The following ZNF248 variants were observed in gnomAD, a reference collection of about 807,000 sequenced individuals.
The protein encoded by ZNF248 is zinc finger protein 248.
In ZNF248, 20 loss-of-function variants were observed where a neutral mutation model predicts 44.3. The observed-to-expected ratio is 0.45, with a 90% CI of 0.32 to 0.66. ZNF248 has a LOEUF of 0.66. Among genes scored for constraint, ZNF248 ranks in the 30% least tolerant of loss-of-function variants. The pLI is 0.04. For missense variants in ZNF248, 654 were observed against 677.0 expected (o/e 0.97, Z 0.38); for synonymous variants, 224 against 229.0 (o/e 0.98, Z 0.20).
Position 37,798,639 on chromosome 10 carries a change from TA to T in ZNF248, c.331-22065del, listed in dbSNP as rs1047625360. On this transcript the variant is annotated intron_variant, in intron 6 of 6. Transcript: ENST00000615949. ...GAATACAAACATAACAAGAAAGGGG[TA>T]AAAATATATATTATGTGTGGACACA... Among the ~76,000 whole-genome samples the T allele has an allele frequency of 4.0e-5, 6 of 151,864 alleles. 1 individual carries two copies. Among genetic ancestry groups the T allele is most frequent in the Non-Finnish European group, 4.4e-5 (3 of 67,924 alleles).
the ZNF248 span, among the ~76,000 whole-genome samples, chr10:37,759,368 T>C: frequency 1.3e-5 from 2 of 152,162 alleles, no homozygotes; most frequent in Non-Finnish European, 2.9e-5. Flanking sequence ...GCAGTTCACA[T>C]ATGAACAAGT....
chr10:37,808,308 C>T (rs1438994042), intron 6 of ZNF248, among the ~76,000 whole-genome samples: 6 of 145,966 alleles, frequency 4.1e-5, no homozygotes, highest in Admixed American at 1.4e-4. Flanking sequence ...GACAGAATCT[C>T]GCTCTGTCAC....
chr10:37,837,781 G>C, intron 4 of ZNF248, 69 bp from the exon 5 acceptor site: 3 of 1,451,456 alleles, frequency 2.1e-6, no homozygotes, highest in Non-Finnish European at 2.8e-6. Flanking sequence ...ATACATCATG[G>C]GGAAGAAAGG....
intron 6 of ZNF248, among the ~76,000 whole-genome samples, chr10:37,797,345 A>G (rs2049275818): frequency 6.6e-6 from 1 of 151,090 alleles, no homozygotes; most frequent in Non-Finnish European, 1.5e-5. Context: ...ATACTTTAAA[A>G]CCCCTTGAGG....
intron 6 of ZNF248, among the ~76,000 whole-genome samples, chr10:37,823,234 T>A (rs1237229887): frequency 6.9e-6 from 1 of 144,948 alleles, no homozygotes; most frequent in Non-Finnish European, 1.5e-5. Context: ...CTCGGGAGGC[T>A]GAGGCAGAAG....
At chr10:37,801,389 TATATTGAATTA>T (rs1404852417) in intron 6 of ZNF248, among the ~76,000 whole-genome samples, 2 of 151,732 alleles carry the variant, frequency 1.3e-5, no homozygotes, top group African/African-American at 4.8e-5. Flanking sequence ...AAAAAAACAT[TATATTGAATTA>T]AATAAGAACT....
intron 3 of ZNF248, among the ~76,000 whole-genome samples, chr10:37,844,091 AATCCAAAGAG>A (rs1351829198): frequency 6.6e-6 from 1 of 152,194 alleles, no homozygotes; most frequent in Non-Finnish European, 1.5e-5. Flanking sequence ...AAGTAAGAAA[AATCCAAAGAG>A]ATCCACTGAG....
chr10:37,829,853 T>A lies in ZNF248; in HGVS notation c.*1762A>T. 5 of 985,376 alleles carry A rather than the reference T, an allele frequency of 5.1e-6. No individual in the cohort carries two copies. Among genetic ancestry groups the A allele is most frequent in the Non-Finnish European group, 6.0e-6 (5 of 829,910 alleles). The allele number at this position is 985,376 out of a possible 1,614,324, so 61.0% of individuals were successfully genotyped here. ...TGCTCCCAAGTTCACCCCAACAGAA[T>A]CATTAAAATGGAACTTCCATGATTA... On this transcript the variant is annotated 3_prime_UTR_variant, in exon 6 of 6. Transcript: ENST00000395867.
the ZNF248 span, among the ~76,000 whole-genome samples, chr10:37,771,403 A>C: frequency 6.6e-6 from 1 of 152,332 alleles, no homozygotes; most frequent in African/African-American, 2.4e-5. Flanking sequence ...CTGGATTAAG[A>C]AAATGTGGCA....
intron 6 of ZNF248, among the ~76,000 whole-genome samples, chr10:37,799,318 G>A (rs2049520317): frequency 6.6e-6 from 1 of 152,054 alleles, no homozygotes; most frequent in African/African-American, 2.4e-5. Flanking sequence ...AGAGTTATTA[G>A]AAAACCAGAA....
chr10:37,773,988 TACAC>T (rs139568981), downstream of ZNF248, among the ~76,000 whole-genome samples: 1 of 149,164 alleles, frequency 6.7e-6, no homozygotes, highest in Admixed American at 6.7e-5. Flanking sequence ...TGAAAATGAA[TACAC>T]ACACACACAC....
At chr10:37,846,220 A>C (rs2059293686) in intron 3 of ZNF248, among the ~76,000 whole-genome samples, 1 of 152,190 alleles carries the variant, frequency 6.6e-6, no homozygotes, top group Admixed American at 6.5e-5. Context: ...GTGCTTGGTG[A>C]GAGGACCCAA....
intron 6 of ZNF248, among the ~76,000 whole-genome samples, chr10:37,790,528 G>A (rs2048377819): frequency 6.6e-6 from 1 of 151,614 alleles, no homozygotes; most frequent in Admixed American, 6.6e-5. Flanking sequence ...TGGCCAACAT[G>A]GTGAAACCCC....
chr10:37,820,809 T>A (rs571069215), intron 6 of ZNF248: 2 of 1,177,340 alleles, frequency 1.7e-6, no homozygotes, highest in African/African-American at 3.0e-5. Context: ...GCCTTTTGTT[T>A]CCTGATTTTC....
At chr10:37,820,381 T>C in intron 6 of ZNF248, 1 of 1,475,588 alleles carries the variant, frequency 6.8e-7, no homozygotes, top group Non-Finnish European at 9.5e-7. Context: ...CGAGGTTTTG[T>C]TAGCATTGCT....
Position 37,856,521 on chromosome 10 carries a change from C to A in ZNF248, c.-114G>T. 8.2e-7 allele frequency: 1 copy of A among 1,218,990 alleles called. No homozygotes were observed. The highest frequency in any genetic ancestry group is 1.0e-6 in the Non-Finnish European group (1 of 978,442). 75.5% of individuals were successfully genotyped at this position (1,218,990 alleles called of 1,614,324 possible). On this transcript the variant is annotated 5_prime_UTR_variant, in exon 2 of 6. Coordinates refer to ENST00000395867, the MANE Select transcript of ZNF248 (RefSeq NM_021045.3). ...GTAAATATTTCTTATTGATTTATTA[C>A]CAATTTAGGTTCTGTGACACAGAAA...
intron 3 of ZNF248, among the ~76,000 whole-genome samples, chr10:37,841,824 T>C (rs2058401972): frequency 6.6e-6 from 1 of 152,196 alleles, no homozygotes; most frequent in Admixed American, 6.5e-5. Flanking sequence ...CTCAGTCTAA[T>C]AATGAGGAAG....
At chr10:37,819,928 A>T in intron 6 of ZNF248, 1 of 771,800 alleles carries the variant, frequency 1.3e-6, no homozygotes, top group Non-Finnish European at 2.4e-6. Flanking sequence ...TTGTTCAGTA[A>T]ACGAGGCCCC....
chr10:37,825,093 T>C (rs556798541), downstream of ZNF248, among the ~76,000 whole-genome samples: 1 of 152,200 alleles, frequency 6.6e-6, no homozygotes, highest in South Asian at 2.1e-4. Context: ...ATCCTGTTGA[T>C]ATGTTGTTCA....
Sources: allele counts gnomAD v4.1 joint callset (sites outside exome capture counted in the v4.1 genomes callset), GRCh38; gene constraint gnomAD v4.1.1; transcripts MANE v1.5; gene names NCBI Gene and HGNC (gene_info 2026-07-23, HGNC 2026-07-21).